The following PKHD1 variants were observed in gnomAD, a reference collection of about 807,000 sequenced individuals.
PKHD1 encodes fibrocystin.
A neutral mutation model predicts 412.0 loss-of-function variants in PKHD1; 291 were observed. That is an observed-to-expected ratio of 0.71 (90% CI 0.64 to 0.78). PKHD1 has a LOEUF of 0.78. Ranked by LOEUF, PKHD1 falls within the 30% of genes least tolerant of loss-of-function variation. PKHD1 has a pLI of 0.00. For synonymous variants in PKHD1, 1,777 were observed against 1,821.5 expected (o/e 0.98, Z 0.62); for missense variants, 4,825 against 4,950.7 (o/e 0.97, Z 0.76).
At chr6:51,939,744 GTCCCAA>G (rs1336304927) in intron 36 of PKHD1, among the ~76,000 whole-genome samples, 1 of 151,008 alleles carries the variant, frequency 6.6e-6, no homozygotes, top group Admixed American at 6.6e-5. Flanking sequence ...TGTTCTCTCA[GTCCCAA>G]CCCCAAGCAT....
chr6:51,899,164 T>C (rs1780745607), intron 43 of PKHD1, among the ~76,000 whole-genome samples: 1 of 152,108 alleles, frequency 6.6e-6, no homozygotes, highest in Admixed American at 6.5e-5. Context: ...TAACTCAATT[T>C]ATGAGGCCAG....
chr6:51,863,813 T>C (rs1253189821), intron 48 of PKHD1, among the ~76,000 whole-genome samples: 5 of 152,108 alleles, frequency 3.3e-5, no homozygotes, highest in Non-Finnish European at 5.9e-5. Flanking sequence ...AAATAGACAA[T>C]AAGGACACTA....
At chr6:51,686,313 A>C (rs1335481096) in intron 60 of PKHD1, among the ~76,000 whole-genome samples, 3 of 152,132 alleles carry the variant, frequency 2.0e-5, no homozygotes, top group Non-Finnish European at 4.4e-5. Context: ...AGAACGCTTT[A>C]CCTCTGACTT....
chr6:52,077,120 A>G (rs1372480146), intron 5 of PKHD1, among the ~76,000 whole-genome samples: 1 of 152,222 alleles, frequency 6.6e-6, no homozygotes, highest in Non-Finnish European at 1.5e-5. Flanking sequence ...GTCTCTGTGC[A>G]TAGACTGGTA....
intron 52 of PKHD1, among the ~76,000 whole-genome samples, chr6:51,811,466 T>C (rs376154431): frequency 1.3e-5 from 2 of 152,218 alleles, no homozygotes; most frequent in African/African-American, 4.8e-5. Context: ...GATAGTATTT[T>C]GAATATAGAC....
intron 43 of PKHD1, among the ~76,000 whole-genome samples, chr6:51,894,145 C>T (rs751238246): frequency 6.6e-5 from 10 of 152,174 alleles, no homozygotes; most frequent in Non-Finnish European, 1.2e-4. Context: ...TCAAAGAAGT[C>T]CTAGACTCCG....
intron 60 of PKHD1, among the ~76,000 whole-genome samples, chr6:51,731,560 T>C (rs1783241017): frequency 6.6e-6 from 1 of 152,208 alleles, no homozygotes; most frequent in African/African-American, 2.4e-5. Flanking sequence ...CTGAATTATA[T>C]GCCCAGGATC....
Position 51,754,812 on chromosome 6 carries a change from G to A in PKHD1, c.8769C>T (p.Ile2923=). Residue 2923 remains isoleucine (I), a synonymous_variant, in exon 56 of 67, where the codon ATC becomes ATT. Coordinates refer to ENST00000371117, the MANE Select transcript of PKHD1 (RefSeq NM_138694.4). The part of the protein sequence containing the change: ...VKEVKGHHVR[I]YERLKHRHIG... Reference sequence around the variant, plus strand: ...TATGCCGGTGTTTGAGCCGTTCATAGATCCTCACATGGTGGCCCTTGACTT... The same window carrying A: ...TATGCCGGTGTTTGAGCCGTTCATAAATCCTCACATGGTGGCCCTTGACTT... 5 of 1,613,586 alleles carry A rather than the reference G, an allele frequency of 3.1e-6. No homozygotes were observed. Among genetic ancestry groups the A allele is most frequent in the Non-Finnish European group, 4.2e-6 (5 of 1,179,654 alleles).
chr6:51,629,512 A>G (rs1043347600), intron 65 of PKHD1, among the ~76,000 whole-genome samples: 26 of 151,994 alleles, frequency 1.7e-4, no homozygotes, highest in African/African-American at 5.8e-4. Context: ...ACCACAAGGT[A>G]TACATTTTTT....
rs367544658 is a variant in PKHD1 at position 52,003,328 on chromosome 6, A to C, written c.5751+6981T>G. Among the ~76,000 whole-genome samples the C allele has an allele frequency of 8.2e-4, 125 of 152,302 alleles. 1 individual carries two copies. Among genetic ancestry groups the C allele is most frequent in the African/African-American group, 2.8e-3 (116 of 41,562 alleles). ...TGTGGAGTCTTGGTCTTGTCAAATC[A>C]AGTAACACACTTAAAGACCACAGCT... is the stretch of plus-strand genomic sequence containing the variant. On this transcript the variant is annotated intron_variant, in intron 35 of 66. Coordinates refer to ENST00000371117, the MANE Select transcript of PKHD1 (RefSeq NM_138694.4).
chr6:52,000,645 A>C (rs1798257964), intron 35 of PKHD1, among the ~76,000 whole-genome samples: 1 of 152,222 alleles, frequency 6.6e-6, no homozygotes, highest in Non-Finnish European at 1.5e-5. Context: ...TGAGCACAGA[A>C]ACTGTTATTT....
At chr6:51,692,108 C>T (rs1037324215) in intron 60 of PKHD1, among the ~76,000 whole-genome samples, 6 of 152,108 alleles carry the variant, frequency 3.9e-5, no homozygotes, top group Non-Finnish European at 8.8e-5. Context: ...TCACTTAATG[C>T]TCAAATAAGT....
At chr6:51,976,526 G>T (rs1333050253) in intron 35 of PKHD1, among the ~76,000 whole-genome samples, 1 of 152,216 alleles carries the variant, frequency 6.6e-6, no homozygotes, top group Non-Finnish European at 1.5e-5. Context: ...ACAGATTCCA[G>T]TTTGGGAAGA....
chr6:51,753,145 G>C, intron 57 of PKHD1, 56 bp downstream of exon 57: 1 of 1,442,480 alleles, frequency 6.9e-7, no homozygotes, highest in Non-Finnish European at 9.7e-7. Flanking sequence ...ATTTCTGGGT[G>C]TCCCAGATGA....
At chr6:51,670,881 T>A (rs975490232) in intron 60 of PKHD1, among the ~76,000 whole-genome samples, 3 of 151,886 alleles carry the variant, frequency 2.0e-5, no homozygotes, top group Non-Finnish European at 4.4e-5. Context: ...TGGCCCCCAC[T>A]CTCTTCTGGC....
intron 35 of PKHD1, among the ~76,000 whole-genome samples, chr6:51,962,250 T>C (rs181077494): frequency 5.1e-4 from 77 of 152,154 alleles, no homozygotes; most frequent in African/African-American, 1.7e-3. Flanking sequence ...CACAGAACTA[T>C]GAAGAAAACC....
intron 35 of PKHD1, among the ~76,000 whole-genome samples, chr6:52,008,956 C>T (rs775377145): frequency 1.5e-4 from 23 of 152,144 alleles, no homozygotes; most frequent in South Asian, 6.2e-4. Flanking sequence ...CAGGTTATTA[C>T]GCACCCAGCA....
chr6:52,016,635 C>CAAAAAA (rs10579713), intron 34 of PKHD1, among the ~76,000 whole-genome samples: 7 of 118,878 alleles, frequency 5.9e-5, no homozygotes, highest in African/African-American at 2.0e-4. Context: ...GACTCTGTCT[C>CAAAAAA]AAAAAAAAAA....
intron 33 of PKHD1, among the ~76,000 whole-genome samples, chr6:52,021,320 C>A (rs1801361513): frequency 1.3e-5 from 2 of 152,122 alleles, no homozygotes; most frequent in Non-Finnish European, 2.9e-5. Context: ...CACAACTTAC[C>A]TGATCCTGAA....
Sources: allele counts gnomAD v4.1 joint callset (sites outside exome capture counted in the v4.1 genomes callset), GRCh38; gene constraint gnomAD v4.1.1; transcripts MANE v1.5; gene names NCBI Gene and HGNC (gene_info 2026-07-23, HGNC 2026-07-21).